Variants in RBFOX3 observed in about 807,000 individuals in gnomAD.
RBFOX3 encodes RNA binding fox-1 homolog 3.
RBFOX3 carries 17 observed loss-of-function variants against 48.7 expected under a neutral mutation model. The observed-to-expected ratio is 0.35, with a 90% CI of 0.24 to 0.52. RBFOX3 has a LOEUF of 0.52. RBFOX3 is among the 20% of genes least tolerant of loss of function. The pLI, the probability that RBFOX3 is intolerant of heterozygous loss-of-function variation, is 0.94. For synonymous variants in RBFOX3, 212 were observed against 209.5 expected, an observed-to-expected ratio of 1.01 and a Z score of -0.10; for missense variants, 382 against 497.5, an observed-to-expected ratio of 0.77 and a Z score of 2.21.
intron 1 of RBFOX3, among the ~76,000 whole-genome samples, chr17:79,506,936 C>A (rs1409304102): frequency 1.3e-5 from 2 of 152,300 alleles, no homozygotes; most frequent in Non-Finnish European, 2.9e-5. Context: ...AGGAGGCCTG[C>A]GCAGATGTGG....
intron 4 of RBFOX3, among the ~76,000 whole-genome samples, chr17:79,122,179 C>T (rs753756525): frequency 2.0e-5 from 3 of 152,308 alleles, no homozygotes; most frequent in South Asian, 2.1e-4. Flanking sequence ...CCACTGGCTC[C>T]GCCTCCAGCC....
intron 3 of RBFOX3, among the ~76,000 whole-genome samples, chr17:79,256,556 T>C (rs1381882091): frequency 6.6e-6 from 1 of 152,166 alleles, no homozygotes; most frequent in Non-Finnish European, 1.5e-5. Flanking sequence ...CGCAGAACCA[T>C]GGCTGTGGGG....
chr17:79,114,475 C>T (rs1168014739), intron 5 of RBFOX3, among the ~76,000 whole-genome samples: 6 of 152,206 alleles, frequency 3.9e-5, no homozygotes, highest in South Asian at 4.1e-4. Flanking sequence ...TGGGCTCTCT[C>T]GGCAGAGGGC....
intron 2 of RBFOX3, among the ~76,000 whole-genome samples, chr17:79,459,524 T>C (rs782181065): frequency 6.6e-6 from 1 of 152,098 alleles, no homozygotes; most frequent in Non-Finnish European, 1.5e-5. Flanking sequence ...GACCAGATGG[T>C]ACTCCAGGCT....
chr17:79,357,774 C>CA (rs1043621129), intron 2 of RBFOX3, among the ~76,000 whole-genome samples: 34 of 151,102 alleles, frequency 2.3e-4, no homozygotes, highest in African/African-American at 8.0e-4. Flanking sequence ...TGTAAAAAGA[C>CA]AGAGAAATAT....
intron 2 of RBFOX3, among the ~76,000 whole-genome samples, chr17:79,416,928 C>T (rs980898343): frequency 3.3e-5 from 5 of 152,222 alleles, no homozygotes; most frequent in African/African-American, 1.2e-4. Context: ...TTGGGCAGGA[C>T]CCATGTTCCT....
In RBFOX3 at chr17:79,160,278, T is replaced by C. The variant is rs536956383; in HGVS notation, c.-33-44530A>G. On this transcript the variant is annotated intron_variant, in intron 4 of 14. Coordinates refer to ENST00000693108, the MANE Select transcript of RBFOX3 (RefSeq NM_001350451.2). ...GACGCCTAGGACCCCAACATTTCTCTGCACCCAAGGGGTGGACCTGGGGGC... is the reference window on the plus strand; with the variant it reads ...GACGCCTAGGACCCCAACATTTCTCCGCACCCAAGGGGTGGACCTGGGGGC... 1.1e-3 allele frequency among the ~76,000 whole-genome samples: 174 copies of C among 152,326 alleles called. 3 individuals are homozygous for C. The highest frequency in any genetic ancestry group is 0.011 in the Admixed American group (170 of 15,304).
intron 1 of RBFOX3, among the ~76,000 whole-genome samples, chr17:79,595,955 A>G (rs1343629234): frequency 6.6e-6 from 1 of 152,238 alleles, no homozygotes. Context: ...GACGGGGTAC[A>G]TTACGCTCCG....
intron 2 of RBFOX3, among the ~76,000 whole-genome samples, chr17:79,316,737 T>C (rs2077591812): frequency 6.6e-6 from 1 of 152,254 alleles, no homozygotes; most frequent in East Asian, 1.9e-4. Context: ...AACCCCTGGA[T>C]ATGCAGTTAA....
chr17:79,112,126 G>A (rs1212121736), intron 5 of RBFOX3, among the ~76,000 whole-genome samples: 1 of 152,216 alleles, frequency 6.6e-6, no homozygotes, highest in African/African-American at 2.4e-5. Context: ...CTGCTCAGAG[G>A]GGAGGAGCCT....
intron 4 of RBFOX3, among the ~76,000 whole-genome samples, chr17:79,178,137 C>T (rs28449390): frequency 0.058 from 8,763 of 152,320 alleles, 283 homozygotes; most frequent in East Asian, 0.18. Context: ...CCCGCCGCCA[C>T]GTCCACCAGC....
At chr17:79,374,912 A>G (rs2059027145) in intron 2 of RBFOX3, among the ~76,000 whole-genome samples, 1 of 152,138 alleles carries the variant, frequency 6.6e-6, no homozygotes, top group Non-Finnish European at 1.5e-5. Flanking sequence ...CTCTCAGCCC[A>G]GTGGCTTCCT....
intron 1 of RBFOX3, among the ~76,000 whole-genome samples, chr17:79,553,215 G>C (rs1650658027): frequency 6.6e-6 from 1 of 152,126 alleles, no homozygotes; most frequent in African/African-American, 2.4e-5. Flanking sequence ...TGCTTTTTCA[G>C]TGTTAAAAAA....
At chr17:79,624,486 G>A in the RBFOX3 span, among the ~76,000 whole-genome samples, 1 of 152,178 alleles carries the variant, frequency 6.6e-6, no homozygotes, top group African/African-American at 2.4e-5. Flanking sequence ...GGAGCTCCAG[G>A]GCAGGGGGTT....
chr17:79,154,634 T>C (rs1599710213), intron 4 of RBFOX3, among the ~76,000 whole-genome samples: 4 of 152,156 alleles, frequency 2.6e-5, no homozygotes, highest in African/African-American at 4.8e-5. Context: ...GAGCCAGTAT[T>C]TGGCTGGGTC....
chr17:79,596,022 G>T (rs2093560295), intron 1 of RBFOX3, among the ~76,000 whole-genome samples: 1 of 152,210 alleles, frequency 6.6e-6, no homozygotes, highest in South Asian at 2.1e-4. Flanking sequence ...ATATCTTCCA[G>T]AATTATCTGG....
intron 1 of RBFOX3, among the ~76,000 whole-genome samples, chr17:79,596,936 G>A (rs1045453005): frequency 6.6e-6 from 1 of 152,192 alleles, no homozygotes; most frequent in African/African-American, 2.4e-5. Context: ...GCTATGTTCC[G>A]TGTTGATAGA....
At position 79,111,335 on chromosome 17, in the gene RBFOX3, C is replaced by T. The variant is rs981949676; in HGVS notation, c.222+4159G>A. Among the ~76,000 whole-genome samples the T allele has an allele frequency of 1.3e-5, 2 of 152,150 alleles. No individual in the cohort carries two copies. Among genetic ancestry groups the T allele is most frequent in the Non-Finnish European group, 2.9e-5 (2 of 68,018 alleles). ...CCCTTCTGGCAGGTGGAGGAGCCCA[C>T]GTGGGCTCTGGAAAACACCAGTCTC... On this transcript the variant is annotated intron_variant, in intron 5 of 14. Coordinates refer to ENST00000693108, the MANE Select transcript of RBFOX3 (RefSeq NM_001350451.2). This position sits in a 1 kb window ranked among gnomAD's most constrained non-coding sequence, Gnocchi z 4.2.
chr17:79,324,292 C>A (rs2078984807), intron 2 of RBFOX3, among the ~76,000 whole-genome samples: 1 of 152,230 alleles, frequency 6.6e-6, no homozygotes, highest in African/African-American at 2.4e-5. Flanking sequence ...GCTTCCAGAG[C>A]AATCTGCCAT....
Sources: gnomAD v4.1 joint callset for allele counts (sites outside exome capture counted in the v4.1 genomes callset) on GRCh38, gnomAD v4.1.1 for gene constraint, Gnocchi (gnomAD v3.1) non-coding constraint, MANE v1.5 for transcripts, NCBI Gene and HGNC (gene_info 2026-07-23, HGNC 2026-07-21) for gene names.